Variants in CCDC91 observed in about 807,000 individuals in gnomAD.
The protein encoded by CCDC91 is coiled-coil domain-containing protein 91.
Under a neutral mutation model 63.2 loss-of-function variants are expected in CCDC91, and 48 were observed. That is an observed-to-expected ratio of 0.76 (90% confidence interval 0.60 to 0.97). CCDC91 has a LOEUF of 0.97. Among genes scored for constraint, CCDC91 ranks in the 50% least tolerant of loss-of-function variants. The pLI, the probability that CCDC91 is intolerant of heterozygous loss-of-function variation, is 0.00. For synonymous variants in CCDC91, 167 were observed against 165.8 expected (o/e 1.01, Z -0.06); for missense variants, 500 against 494.6 (o/e 1.01, Z -0.10).
intron 12 of CCDC91, among the ~76,000 whole-genome samples, chr12:28,496,931 CATATATATATACAT>C (rs1364764784): frequency 2.1e-5 from 3 of 141,460 alleles, no homozygotes; most frequent in African/African-American, 5.2e-5. Context: ...TATATATATA[CATATATATATACAT>C]ATATATATAT....
chr12:28,398,791 C>T (rs1224219199), intron 8 of CCDC91, among the ~76,000 whole-genome samples: 1 of 152,020 alleles, frequency 6.6e-6, no homozygotes, highest in Non-Finnish European at 1.5e-5. Flanking sequence ...TTTATTTGTA[C>T]ATTTTCTTTG....
chr12:28,325,574 G>T (rs1216404622), intron 6 of CCDC91, among the ~76,000 whole-genome samples: 1 of 151,898 alleles, frequency 6.6e-6, no homozygotes, highest in East Asian at 1.9e-4. Flanking sequence ...GAGTATTGGA[G>T]TAGAGGAGGG....
chr12:28,478,431 C>G (rs1469079559), intron 11 of CCDC91, among the ~76,000 whole-genome samples: 1 of 152,152 alleles, frequency 6.6e-6, no homozygotes, highest in Non-Finnish European at 1.5e-5. Flanking sequence ...GAAACTGGAT[C>G]CCTTCCTTAC....
chr12:28,469,980 C>T (rs1007211639), intron 11 of CCDC91, among the ~76,000 whole-genome samples: 2 of 152,158 alleles, frequency 1.3e-5, no homozygotes, highest in Non-Finnish European at 2.9e-5. Flanking sequence ...TATGAAACCA[C>T]TTCAAGAAAA....
chr12:28,229,208 A>T (rs1243119097), intron 1 of CCDC91, among the ~76,000 whole-genome samples: 8 of 149,874 alleles, frequency 5.3e-5, no homozygotes, highest in African/African-American at 1.7e-4. Context: ...TTTTTTTTTT[A>T]AATGGCTTTA....
chr12:28,316,827 T>C (rs1426869838), intron 6 of CCDC91, among the ~76,000 whole-genome samples: 1 of 151,966 alleles, frequency 6.6e-6, no homozygotes. Flanking sequence ...TCTTCCACTT[T>C]TATCTTGACC....
chr12:28,229,888 T>C (rs1349991087), intron 1 of CCDC91, among the ~76,000 whole-genome samples: 1 of 152,176 alleles, frequency 6.6e-6, no homozygotes, highest in Non-Finnish European at 1.5e-5. Flanking sequence ...ATGCTACTTA[T>C]TATGGACCTT....
chr12:28,322,559 C>T (rs1006809320), intron 6 of CCDC91, among the ~76,000 whole-genome samples: 3 of 151,590 alleles, frequency 2.0e-5, no homozygotes. Context: ...TTTTAGTATG[C>T]GTATATTTTC....
chr12:28,382,369 G>GA (rs1157945878), intron 7 of CCDC91, among the ~76,000 whole-genome samples: 1 of 151,702 alleles, frequency 6.6e-6, no homozygotes, highest in Non-Finnish European at 1.5e-5. Flanking sequence ...ATCCTAGGTT[G>GA]AATCCACAGA....
chr12:28,357,811 C>A lies in CCDC91; in HGVS notation c.577-4627C>A, dbSNP rs182057747. 1.2e-3 allele frequency among the ~76,000 whole-genome samples: 182 copies of A among 152,010 alleles called. 3 individuals carry two copies. The highest frequency in any genetic ancestry group is 6.5e-4 in the Non-Finnish European group (44 of 67,944). Reference sequence around the variant, plus strand: ...GAAGTCTTTTTTTGCTTAAAAAATCCACAGTTTTATTTAAGGTGAGGATAT... The same window carrying A: ...GAAGTCTTTTTTTGCTTAAAAAATCAACAGTTTTATTTAAGGTGAGGATAT... On this transcript the variant is annotated intron_variant, in intron 6 of 12. Coordinates refer to ENST00000536442, the MANE Select transcript of CCDC91 (RefSeq NM_018318.5).
At chr12:28,547,632 G>GA (rs946215418) in intron 12 of CCDC91, among the ~76,000 whole-genome samples, 28 of 151,412 alleles carry the variant, frequency 1.8e-4, no homozygotes, top group Admixed American at 5.9e-4. Flanking sequence ...GAGGAAGAAG[G>GA]AAAAAAAACT....
At chr12:28,252,153 A>G (rs1232996819) in intron 1 of CCDC91, among the ~76,000 whole-genome samples, 5 of 152,134 alleles carry the variant, frequency 3.3e-5, no homozygotes, top group Non-Finnish European at 5.9e-5. Flanking sequence ...ATGAAGTGTG[A>G]GACCATTATG....
At chr12:28,208,291 A>T (rs1410281018) in intron 1 of CCDC91, among the ~76,000 whole-genome samples, 1 of 150,518 alleles carries the variant, frequency 6.6e-6, no homozygotes, top group Non-Finnish European at 1.5e-5. Flanking sequence ...AAATTTGGTT[A>T]TTTCTGTGGT....
intron 6 of CCDC91, among the ~76,000 whole-genome samples, chr12:28,317,725 G>A (rs1310902675): frequency 6.6e-6 from 1 of 151,830 alleles, no homozygotes; most frequent in Non-Finnish European, 1.5e-5. Context: ...TCCATGTGTA[G>A]GGGTGAGTGC....
chr12:28,446,972 T>G (rs1255416066), intron 8 of CCDC91, among the ~76,000 whole-genome samples: 1 of 152,158 alleles, frequency 6.6e-6, no homozygotes, highest in African/African-American at 2.4e-5. Flanking sequence ...CAGTCCATGA[T>G]TGTTTTCTGT....
intron 3 of CCDC91, among the ~76,000 whole-genome samples, chr12:28,283,240 T>C (rs1332545312): frequency 6.6e-6 from 1 of 151,498 alleles, no homozygotes; most frequent in Non-Finnish European, 1.5e-5. Flanking sequence ...TTTTTAGTTC[T>C]GTGAAAAATG....
intron 12 of CCDC91, among the ~76,000 whole-genome samples, chr12:28,492,732 C>T (rs1290180668): frequency 6.6e-6 from 1 of 151,462 alleles, no homozygotes; most frequent in Non-Finnish European, 1.5e-5. Flanking sequence ...AGAGAACAGC[C>T]CACATGTCAC....
intron 3 of CCDC91, among the ~76,000 whole-genome samples, chr12:28,295,985 C>T (rs1949540862): frequency 6.6e-6 from 1 of 151,584 alleles, no homozygotes. Context: ...TGGAATATTC[C>T]TCCCATATTC....
At chr12:28,268,387 C>G (rs1947504955) in intron 3 of CCDC91, among the ~76,000 whole-genome samples, 1 of 152,058 alleles carries the variant, frequency 6.6e-6, no homozygotes, top group African/African-American at 2.4e-5. Flanking sequence ...TAATAGAACA[C>G]CATACACCTG....
Sources: allele counts gnomAD v4.1 joint callset (sites outside exome capture counted in the v4.1 genomes callset), GRCh38; gene constraint gnomAD v4.1.1; transcripts MANE v1.5; gene names NCBI Gene and HGNC (gene_info 2026-07-23, HGNC 2026-07-21).